Variants in ASTN2 observed in about 807,000 individuals in gnomAD.
The protein encoded by ASTN2 is astrotactin 2, also known as astrotactin-2.
In ASTN2, 54 loss-of-function variants were observed where a neutral mutation model predicts 139.8. The ratio of observed to expected loss-of-function variants is 0.39; its 90% CI spans 0.31 to 0.48. The LOEUF (loss-of-function observed/expected upper bound fraction) is 0.48, where lower values mean the gene tolerates loss of function less well. ASTN2 is among the 20% of genes least tolerant of loss of function. ASTN2 has a pLI of 0.95. For synonymous variants in ASTN2, 756 were observed against 719.5 expected, an observed-to-expected ratio of 1.05 and a Z score of -0.81; for missense variants, 1,565 against 1,725.1, an observed-to-expected ratio of 0.91 and a Z score of 1.64.
At chr9:116,932,973 T>G (rs1473015568) in intron 10 of ASTN2, among the ~76,000 whole-genome samples, 2 of 121,778 alleles carry the variant, frequency 1.6e-5, no homozygotes, top group African/African-American at 3.2e-5. Context: ...GCCACTGCAC[T>G]CCAGCCTGGG....
At chr9:116,625,188 T>C (rs1856381556) in intron 17 of ASTN2, among the ~76,000 whole-genome samples, 1 of 152,116 alleles carries the variant, frequency 6.6e-6, no homozygotes, top group African/African-American at 2.4e-5. Context: ...CCCAGCACTT[T>C]GGAAGGCCGA....
chr9:117,246,267 C>G (rs560819379), intron 2 of ASTN2, among the ~76,000 whole-genome samples: 2 of 152,160 alleles, frequency 1.3e-5, no homozygotes, highest in Non-Finnish European at 2.9e-5. Context: ...CACACTTGCT[C>G]AATGTGTCAC....
chr9:117,337,491 G>A (rs1275201979), intron 1 of ASTN2, among the ~76,000 whole-genome samples: 2 of 152,116 alleles, frequency 1.3e-5, no homozygotes, highest in African/African-American at 4.8e-5. Context: ...GTGGTTGCAA[G>A]CATTGTTCTT....
intron 20 of ASTN2, among the ~76,000 whole-genome samples, chr9:116,462,136 T>C (rs976576734): frequency 1.3e-5 from 2 of 152,176 alleles, no homozygotes; most frequent in African/African-American, 4.8e-5. Context: ...TAAAGACCAC[T>C]CTCTTTCTGC....
chr9:116,573,069 T>C (rs1177898738), intron 19 of ASTN2, among the ~76,000 whole-genome samples: 4 of 151,664 alleles, frequency 2.6e-5, no homozygotes, highest in Non-Finnish European at 4.4e-5. Flanking sequence ...AGGCAGAACA[T>C]CCAACAGCCT....
intron 19 of ASTN2, among the ~76,000 whole-genome samples, chr9:116,530,826 A>G (rs942558151): frequency 3.9e-5 from 6 of 152,128 alleles, no homozygotes; most frequent in African/African-American, 1.4e-4. Context: ...AATTGCCTAC[A>G]TATGTCTGTT....
chr9:116,712,207 C>A (rs1047642430), intron 16 of ASTN2, among the ~76,000 whole-genome samples: 4 of 152,150 alleles, frequency 2.6e-5, no homozygotes, highest in Admixed American at 2.6e-4. Flanking sequence ...CATCTTGGAA[C>A]ATTTACCTTC....
At chr9:116,453,446 T>G (rs1003633854) in intron 20 of ASTN2, among the ~76,000 whole-genome samples, 1 of 150,336 alleles carries the variant, frequency 6.7e-6, no homozygotes, top group Middle Eastern at 3.2e-3. Context: ...ACAAAAAAAT[T>G]AGCTGGGCGT....
chr9:116,538,580 T>C lies in ASTN2; in HGVS notation c.3356-51080A>G, dbSNP rs566097454. On this transcript the variant is annotated intron_variant, in intron 19 of 22. Transcript: ENST00000313400. The stretch of plus-strand genomic sequence containing the variant: ...TTCACTCAAGTTTTAAGGTTTTGTG[T>C]CCTAAGTCTCTTGCCTGTTGGATCT... Among the ~76,000 whole-genome samples the C allele has an allele frequency of 6.6e-5, 10 of 152,296 alleles. No homozygotes were observed. The East Asian group carries it at 1.5e-3, about 24-fold the overall frequency.
At chr9:116,868,685 C>T (rs1048870744) in intron 10 of ASTN2, among the ~76,000 whole-genome samples, 1 of 152,208 alleles carries the variant, frequency 6.6e-6, no homozygotes, top group Non-Finnish European at 1.5e-5. Flanking sequence ...TCTCGCCATT[C>T]TGAAGGCCAG....
chr9:117,195,011 A>G (rs1229180220), intron 3 of ASTN2, among the ~76,000 whole-genome samples: 1 of 152,176 alleles, frequency 6.6e-6, no homozygotes, highest in Non-Finnish European at 1.5e-5. Flanking sequence ...CTGACCCAGC[A>G]TATTTATTAA....
chr9:117,272,518 T>G (rs1313246117), intron 2 of ASTN2, among the ~76,000 whole-genome samples: 4 of 152,134 alleles, frequency 2.6e-5, no homozygotes. Flanking sequence ...AAAAAATGGG[T>G]TTTTCTTTTC....
chr9:116,740,810 G>A (rs536879993), intron 13 of ASTN2, among the ~76,000 whole-genome samples: 6 of 151,514 alleles, frequency 4.0e-5, no homozygotes, highest in South Asian at 2.1e-4. Context: ...CACCGCGCCC[G>A]GCGGTAAAGT....
At chr9:116,845,657 C>T (rs1050894511) in intron 11 of ASTN2, among the ~76,000 whole-genome samples, 3 of 152,110 alleles carry the variant, frequency 2.0e-5, no homozygotes, top group South Asian at 4.1e-4. Flanking sequence ...GAATCATTAG[C>T]GAAATGCAAA....
chr9:116,532,971 A>T (rs1431823707), intron 19 of ASTN2, among the ~76,000 whole-genome samples: 2 of 152,116 alleles, frequency 1.3e-5, no homozygotes, highest in African/African-American at 4.8e-5. Context: ...ATTTTGCAAT[A>T]TTGATTCTTC....
intron 3 of ASTN2, among the ~76,000 whole-genome samples, chr9:117,158,835 A>G (rs1830485248): frequency 6.6e-6 from 1 of 152,024 alleles, no homozygotes; most frequent in African/African-American, 2.4e-5. Context: ...GCTTTGACCT[A>G]CCAGGTAAGT....
intron 16 of ASTN2, among the ~76,000 whole-genome samples, chr9:116,723,100 G>C (rs1465864564): frequency 6.6e-6 from 1 of 152,018 alleles, no homozygotes; most frequent in Non-Finnish European, 1.5e-5. Flanking sequence ...GGAAAGCAGA[G>C]CTTTCAGTGA....
intron 2 of ASTN2, among the ~76,000 whole-genome samples, chr9:117,240,334 G>A (rs1325200018): frequency 6.6e-6 from 1 of 152,164 alleles, no homozygotes; most frequent in African/African-American, 2.4e-5. Flanking sequence ...AACTTTGGGT[G>A]TGACTGTGTG....
chr9:116,565,927 A>C (rs1853210884), intron 19 of ASTN2, among the ~76,000 whole-genome samples: 1 of 152,172 alleles, frequency 6.6e-6, no homozygotes, highest in Admixed American at 6.5e-5. Flanking sequence ...ATATAACACA[A>C]GCTGGATACT....
Sources: allele counts gnomAD v4.1 joint callset (sites outside exome capture counted in the v4.1 genomes callset), GRCh38; gene constraint gnomAD v4.1.1; transcripts MANE v1.5; gene names NCBI Gene and HGNC (gene_info 2026-07-23, HGNC 2026-07-21).